The following SEPTIN9 variants were observed in gnomAD, a reference collection of about 807,000 sequenced individuals.
SEPTIN9 encodes septin-9.
A neutral mutation model predicts 56.6 loss-of-function variants in SEPTIN9; 13 were observed. The ratio of observed to expected loss-of-function variants is 0.23; its 90% CI spans 0.15 to 0.37. The LOEUF (loss-of-function observed/expected upper bound fraction) is 0.37. SEPTIN9 is among the 10% of genes least tolerant of loss of function. The pLI is 1.00. For missense variants in SEPTIN9, 650 were observed against 823.1 expected, an observed-to-expected ratio of 0.79 and a Z score of 2.57; for synonymous variants, 332 against 334.1, an observed-to-expected ratio of 0.99 and a Z score of 0.07.
intron 3 of SEPTIN9, among the ~76,000 whole-genome samples, chr17:77,440,186 G>A (rs991601827): frequency 2.0e-5 from 3 of 151,672 alleles, no homozygotes; most frequent in African/African-American, 4.9e-5. Context: ...ATGGAGTCTC[G>A]CTCCGTCACC....
At chr17:77,495,813 C>T (rs917618869) in intron 10 of SEPTIN9, among the ~76,000 whole-genome samples, 2 of 152,224 alleles carry the variant, frequency 1.3e-5, no homozygotes, top group Non-Finnish European at 2.9e-5. Flanking sequence ...CACTTGAGGG[C>T]TGGGCAAGGT....
chr17:77,287,848 C>T, intron 1 of SEPTIN9: 1 of 1,015,246 alleles, frequency 9.8e-7, no homozygotes, highest in South Asian at 4.7e-5. Flanking sequence ...GGACAGGAAA[C>T]AGGAGTGGCG....
At chr17:77,358,879 C>A (rs1237787088) in intron 2 of SEPTIN9, among the ~76,000 whole-genome samples, 2 of 152,146 alleles carry the variant, frequency 1.3e-5, no homozygotes, top group African/African-American at 4.8e-5. Context: ...GCTAAAACAT[C>A]AGAGGCTGAG....
chr17:77,411,234 T>A (rs1416701312), intron 3 of SEPTIN9, among the ~76,000 whole-genome samples: 1 of 152,210 alleles, frequency 6.6e-6, no homozygotes, highest in Non-Finnish European at 1.5e-5. Flanking sequence ...CTCCTGAATT[T>A]TATTCCTGCA....
At chr17:77,386,771 G>A (rs2035351284) in intron 2 of SEPTIN9, among the ~76,000 whole-genome samples, 1 of 152,138 alleles carries the variant, frequency 6.6e-6, no homozygotes, top group Non-Finnish European at 1.5e-5. Context: ...AGGAAAATAC[G>A]GGCATAGGGG....
intron 3 of SEPTIN9, among the ~76,000 whole-genome samples, chr17:77,467,316 G>A (rs937855205): frequency 3.3e-5 from 5 of 152,246 alleles, no homozygotes; most frequent in African/African-American, 7.2e-5. Flanking sequence ...TTGGAGCCAG[G>A]CATAGGCTCA....
intron 3 of SEPTIN9, among the ~76,000 whole-genome samples, chr17:77,420,892 G>C (rs149672925): frequency 5.3e-5 from 8 of 152,172 alleles, no homozygotes; most frequent in Admixed American, 5.2e-4. Flanking sequence ...CTTACCCCTT[G>C]CCCTGCCCAA....
At chr17:77,302,041 C>T (rs1188783270) in intron 1 of SEPTIN9, among the ~76,000 whole-genome samples, 4 of 152,112 alleles carry the variant, frequency 2.6e-5, no homozygotes, top group East Asian at 1.9e-4. Context: ...TTTGAGAAGG[C>T]GGGTGTGGTG....
intron 2 of SEPTIN9, among the ~76,000 whole-genome samples, chr17:77,392,300 A>G (rs1598300115): frequency 6.6e-6 from 1 of 152,144 alleles, no homozygotes; most frequent in African/African-American, 2.4e-5. Flanking sequence ...CTAACACTTG[A>G]GCAAAGATAG....
rs2034806487 is a variant in SEPTIN9, at chr17:77,373,701, C to T, written c.77-28358C>T. 5 of 1,352,712 alleles carry T rather than the reference C, an allele frequency of 3.7e-6. No individual in the cohort carries two copies. The East Asian group carries it at 1.2e-4, about 34-fold the overall frequency. The allele number at this position is 1,352,712 out of a possible 1,614,324, so 83.8% of individuals were successfully genotyped here. A position where few individuals can be genotyped will look rare whatever the true frequency, so the allele number is the denominator to read the frequency against. On this transcript the variant is annotated intron_variant, in intron 2 of 11. Coordinates refer to ENST00000427177, the MANE Select transcript of SEPTIN9 (RefSeq NM_001113491.2). ...AATCCAGGCGCCCTCCCGCTGAGAG[C>T]GCCGCGCGCCCCCGGCCCCGTGCCC...
chr17:77,448,965 G>C (rs1340097177), intron 3 of SEPTIN9, among the ~76,000 whole-genome samples: 1 of 152,018 alleles, frequency 6.6e-6, no homozygotes, highest in Non-Finnish European at 1.5e-5. Flanking sequence ...TGTATTTTTA[G>C]TAGAGACAGG....
intron 3 of SEPTIN9, among the ~76,000 whole-genome samples, chr17:77,418,558 G>T (rs557831157): frequency 6.6e-6 from 1 of 152,134 alleles, no homozygotes; most frequent in African/African-American, 2.4e-5. Flanking sequence ...GGCCAGGCTG[G>T]TCTTGAACTC....
chr17:77,454,650 C>T (rs1598400704), intron 3 of SEPTIN9, among the ~76,000 whole-genome samples: 1 of 152,354 alleles, frequency 6.6e-6, no homozygotes, highest in East Asian at 1.9e-4. Flanking sequence ...GGAACCTTCC[C>T]CACCTCAGCC....
At chr17:77,481,334 G>A (rs148279452) in intron 3 of SEPTIN9, among the ~76,000 whole-genome samples, 21 of 152,354 alleles carry the variant, frequency 1.4e-4, no homozygotes, top group South Asian at 1.0e-3. Context: ...TGTGCAGCCC[G>A]TGGGCGCTGG....
At chr17:77,463,552 G>A (rs2038578087) in intron 3 of SEPTIN9, among the ~76,000 whole-genome samples, 1 of 152,048 alleles carries the variant, frequency 6.6e-6, no homozygotes, top group Non-Finnish European at 1.5e-5. Flanking sequence ...AAAAAAAATG[G>A]TAATTCTCAG....
chr17:77,334,507 G>A (rs73371440), intron 2 of SEPTIN9, among the ~76,000 whole-genome samples: 5,298 of 149,754 alleles, frequency 0.035, 313 homozygotes, highest in East Asian at 0.29. Context: ...TGTATCATAA[G>A]TTTTTTTTTC....
At chr17:77,356,816 G>A (rs2034269063) in intron 2 of SEPTIN9, among the ~76,000 whole-genome samples, 1 of 147,206 alleles carries the variant, frequency 6.8e-6, no homozygotes, top group South Asian at 2.2e-4. Flanking sequence ...TGGCAGGCCA[G>A]GCGCTGAGCA....
chr17:77,433,416 C>T lies in SEPTIN9; in HGVS notation c.721+30713C>T, dbSNP rs940188685. ...GAGGACCCCCCCCGGCCAACAGGGT[C>T]TGCTTAGGTGTCCGTCCTGTTGGGG... On this transcript the variant is annotated intron_variant, in intron 3 of 11. Coordinates refer to ENST00000427177, the MANE Select transcript of SEPTIN9 (RefSeq NM_001113491.2). This position sits in a 1 kb window ranked among gnomAD's most constrained non-coding sequence, Gnocchi z 6.4. 4.6e-5 allele frequency among the ~76,000 whole-genome samples: 7 copies of T among 151,654 alleles called. No individual in the cohort carries two copies. Among genetic ancestry groups the T allele is most frequent in the African/African-American group, 1.7e-4 (7 of 41,208 alleles).
At chr17:77,413,087 C>CGTGTGTGTGTGT (rs3047410) in intron 3 of SEPTIN9, among the ~76,000 whole-genome samples, 7 of 144,026 alleles carry the variant, frequency 4.9e-5, no homozygotes, top group African/African-American at 1.8e-4. Flanking sequence ...GCGGGTGGGG[C>CGTGTGTGTGTGT]GTGTGTGTGT....
Sources: gnomAD v4.1 joint callset for allele counts (sites outside exome capture counted in the v4.1 genomes callset) on GRCh38, gnomAD v4.1.1 for gene constraint, Gnocchi (gnomAD v3.1) non-coding constraint, MANE v1.5 for transcripts, NCBI Gene and HGNC (gene_info 2026-07-23, HGNC 2026-07-21) for gene names.